PRRG2: variants seen among roughly 807,000 people sequenced by gnomAD.
PRRG2 encodes transmembrane gamma-carboxyglutamic acid protein 2.
A neutral mutation model predicts 27.1 loss-of-function variants in PRRG2; 23 were observed. The observed-to-expected ratio is 0.85, with a 90% CI of 0.61 to 1.20. The LOEUF (loss-of-function observed/expected upper bound fraction) is 1.20, where lower values mean the gene tolerates loss of function less well. Ranked by LOEUF, PRRG2 falls within the 50% of genes most tolerant of loss-of-function variation. PRRG2 has a pLI of 0.00. For missense variants in PRRG2, 276 were observed against 254.8 expected (o/e 1.08, Z -0.57); for synonymous variants, 104 against 103.4 (o/e 1.01, Z -0.03).
At chr19:49,589,056 C>T (rs1194381014) in intron 5 of PRRG2, among the ~76,000 whole-genome samples, 1 of 151,146 alleles carries the variant, frequency 6.6e-6, no homozygotes, top group Non-Finnish European at 1.5e-5. Flanking sequence ...TGTTGTGTTC[C>T]TGTCTATATG....
At chr19:49,589,132 T>TC (rs1162526421) in intron 5 of PRRG2, among the ~76,000 whole-genome samples, 4 of 148,052 alleles carry the variant, frequency 2.7e-5, no homozygotes, top group African/African-American at 1.0e-4. Context: ...TCTTTTTTTT[T>TC]TTTTTTTTTT....
chr19:49,585,967 C>G (rs555833812), intron 4 of PRRG2, among the ~76,000 whole-genome samples: 1 of 147,544 alleles, frequency 6.8e-6, no homozygotes. Context: ...GTAATCCCAG[C>G]TATTGGGGAG....
intron 1 of PRRG2, among the ~76,000 whole-genome samples, chr19:49,582,306 C>A (rs893221535): frequency 6.7e-6 from 1 of 149,392 alleles, no homozygotes; most frequent in Non-Finnish European, 1.5e-5. Context: ...CATGGAATCT[C>A]GCTCTGTCAC....
At chr19:49,581,811 T>C (rs2080625915) in intron 1 of PRRG2, among the ~76,000 whole-genome samples, 2 of 152,340 alleles carry the variant, frequency 1.3e-5, no homozygotes, top group South Asian at 4.1e-4. Context: ...ATAAGCTGCC[T>C]GCTCCTTGCT....
intron 3 of PRRG2, 91 bp downstream of exon 3, chr19:49,583,808 C>T: frequency 6.2e-7 from 1 of 1,605,482 alleles, no homozygotes; most frequent in South Asian, 1.1e-5. Flanking sequence ...CTTCAGCTCC[C>T]TCCTCCTTGG....
intron 5 of PRRG2, among the ~76,000 whole-genome samples, chr19:49,589,217 T>C (rs912631195): frequency 4.8e-5 from 7 of 145,978 alleles, no homozygotes; most frequent in African/African-American, 1.8e-4. Context: ...AACCTCTGCC[T>C]CCCGGGTTCA....
At position 49,590,740 on chromosome 19, in the gene PRRG2, C is replaced by G. The variant is rs1446966526; in HGVS notation, c.*351C>G. On this transcript the variant is annotated 3_prime_UTR_variant, in exon 7 of 7. Transcript: ENST00000246794. ...TTGTGTATGGGCAGATATGACCTGA[C>G]AGCCCCCTCCAGTGCCACAGGGTAC... is the stretch of plus-strand genomic sequence containing the variant. 1 of 352,916 alleles carries G rather than the reference C, an allele frequency of 2.8e-6. No homozygotes were observed. The highest frequency in any genetic ancestry group is 6.7e-5 in the East Asian group (1 of 14,950). 21.9% of individuals were successfully genotyped at this position (352,916 alleles called of 1,614,324 possible). A position where few individuals can be genotyped will look rare whatever the true frequency, so the allele number is the denominator to read the frequency against.
intron 4 of PRRG2, among the ~76,000 whole-genome samples, chr19:49,587,147 CA>C (rs1214176130): frequency 5.5e-4 from 73 of 133,392 alleles, no homozygotes; most frequent in Middle Eastern, 3.7e-3. Context: ...GACCCTGTCT[CA>C]AAAAAAAAAA....
rs2080711295 is a variant in PRRG2, at chr19:49,590,380, G to A, written c.600G>A (p.Arg200=). 4 of 1,614,020 alleles carry A rather than the reference G, an allele frequency of 2.5e-6. No individual in the cohort carries two copies. The highest frequency in any genetic ancestry group is 1.3e-5 in the African/African-American group (1 of 74,914). Residue 200 remains arginine (R), a synonymous_variant, in exon 7 of 7, where the codon AGG becomes AGA. Coordinates refer to ENST00000246794, the MANE Select transcript of PRRG2 (RefSeq NM_000951.3). The stretch of plus-strand genomic sequence containing the variant: ...GCCTTTCCTCTTGCAGCCTCAGGAG[G>A]CCTCACTGAAGAGCTGCTTTCGAGA... ...APPPPYTSLR[R]PH
rs1255130024 is a variant in PRRG2 at position 49,583,955 on chromosome 19, G to A, written c.301+3G>A. 6.2e-7 allele frequency: 1 copy of A among 1,613,076 alleles called. No homozygotes were observed. Among genetic ancestry groups the A allele is most frequent in the African/African-American group, 1.3e-5 (1 of 74,874 alleles). On this transcript the variant is annotated splice_donor_region_variant and intron_variant, in intron 4 of 6. Transcript: ENST00000246794. ...CTACATCTACAATGGCAAAGGAGGT[G>A]AGTGAGGGGCTGAAGCCATCTTGTT...
chr19:49,589,934 C>T lies in PRRG2; in HGVS notation c.472C>T (p.Pro158Ser). ...GLISPLSPLN[P>S]LGPPTPLPPP... The stretch of plus-strand genomic sequence containing the variant: ...CATTAGCCCTCTGAGTCCTTTGAAC[C>T]CTCTGGGCCCACCGACGCCCCTGCC... Residue 158 changes from proline (P) to serine (S), a missense_variant, in exon 6 of 7, where the codon CCT becomes TCT. Pro to Ser is a moderately conservative substitution (Grantham distance 74). Transcript: ENST00000246794. The T allele has an allele frequency of 6.2e-7, 1 of 1,611,480 alleles. No individual in the cohort carries two copies. The highest frequency in any genetic ancestry group is 8.5e-7 in the Non-Finnish European group (1 of 1,179,890).
chr19:49,583,430 T>C (rs1432820319), intron 2 of PRRG2, 112 bp from the exon 3 acceptor site: 2 of 1,506,846 alleles, frequency 1.3e-6, no homozygotes, highest in Non-Finnish European at 1.8e-6. Flanking sequence ...GACCCAGGAA[T>C]CTGGATTCCC....
chr19:49,590,303 G>A (rs369184682), intron 6 of PRRG2, 68 bp from the exon 7 acceptor site: 49 of 1,610,204 alleles, frequency 3.0e-5, no homozygotes, highest in Non-Finnish European at 4.0e-5. Context: ...CGGTCGGAGT[G>A]GTCCTGGTTG....
At chr19:49,589,372 C>T (rs1323081019) in intron 5 of PRRG2, among the ~76,000 whole-genome samples, 2 of 151,252 alleles carry the variant, frequency 1.3e-5, no homozygotes, top group South Asian at 2.1e-4. Context: ...GTGATCTGCC[C>T]GCCTTGGCCT....
chr19:49,590,542 C>G lies in PRRG2; in HGVS notation c.*153C>G. 9.4e-7 allele frequency: 1 copy of G among 1,065,564 alleles called. No individual in the cohort carries two copies. The highest frequency in any genetic ancestry group is 1.4e-6 in the Non-Finnish European group (1 of 719,038). The allele number at this position is 1,065,564 out of a possible 1,614,324, so 66.0% of individuals were successfully genotyped here. On this transcript the variant is annotated 3_prime_UTR_variant, in exon 7 of 7. Transcript: ENST00000246794. Reference sequence around the variant, plus strand: ...GGCCCGAGGCCTGCCCTGGCACACGCGTTTCCGCCGCGTATGGATATACAC... The same window carrying G: ...GGCCCGAGGCCTGCCCTGGCACACGGGTTTCCGCCGCGTATGGATATACAC...
intron 3 of PRRG2, 92 bp from the exon 4 acceptor site, chr19:49,583,821 T>C: frequency 6.2e-7 from 1 of 1,603,436 alleles, no homozygotes; most frequent in Non-Finnish European, 8.5e-7. Flanking sequence ...CTCCTTGGTG[T>C]CTCAGAAATC....
Position 49,583,669 on chromosome 19 carries a change from G to A in PRRG2, c.213G>A (p.Arg71=). 1.2e-6 allele frequency: 2 copies of A among 1,614,216 alleles called. No homozygotes were observed. The highest frequency in any genetic ancestry group is 1.1e-5 in the South Asian group (1 of 91,088). Residue 71 remains arginine, a synonymous_variant, in exon 3 of 7, where the codon AGG becomes AGA. Coordinates refer to ENST00000246794, the MANE Select transcript of PRRG2 (RefSeq NM_000951.3). ...GNLERECLEE[R]CSWEEAREYF... Reference sequence around the variant, plus strand: ...TGGAACGGGAGTGTCTGGAAGAGAGGTGTTCCTGGGAAGAGGCCAGGGAGT... The same window carrying A: ...TGGAACGGGAGTGTCTGGAAGAGAGATGTTCCTGGGAAGAGGCCAGGGAGT...
intron 4 of PRRG2, among the ~76,000 whole-genome samples, chr19:49,586,953 A>T (rs2080675057): frequency 6.6e-6 from 1 of 151,738 alleles, no homozygotes. Context: ...GCTTGAGCCT[A>T]GGAGTTTGAG....
intron 4 of PRRG2, among the ~76,000 whole-genome samples, chr19:49,586,084 A>C (rs935154705): frequency 2.6e-4 from 40 of 151,142 alleles, no homozygotes; most frequent in Admixed American, 9.3e-4. Context: ...AAAAAAAAAA[A>C]AAAAAAAAAA....
Sources: gnomAD v4.1 joint callset for allele counts (sites outside exome capture counted in the v4.1 genomes callset) on GRCh38, gnomAD v4.1.1 for gene constraint, MANE v1.5 for transcripts, NCBI Gene and HGNC (gene_info 2026-07-23, HGNC 2026-07-21) for gene names.